TBL1X: variants seen among roughly 807,000 people sequenced by gnomAD.
TBL1X encodes transducin beta like 1 X-linked.
A neutral mutation model predicts 50.7 loss-of-function variants in TBL1X; 10 were observed. That is an observed-to-expected ratio of 0.20 (90% CI 0.12 to 0.33). The LOEUF (loss-of-function observed/expected upper bound fraction) is 0.33, where lower values mean the gene tolerates loss of function less well. Among genes scored for constraint, TBL1X ranks in the 10% least tolerant of loss-of-function variants. TBL1X has a pLI of 1.00. For synonymous variants in TBL1X, 190 were observed against 214.7 expected (o/e 0.88, Z 1.01); for missense variants, 340 against 504.4 (o/e 0.67, Z 3.12).
intron 3 of TBL1X, among the ~76,000 whole-genome samples, chrX:9,648,119 C>G (rs1181967643): frequency 9.0e-6 from 1 of 110,869 alleles, no homozygotes; most frequent in Admixed American, 9.6e-5. Context: ...TGGCCAAAGG[C>G]TCCCTGAATC....
At chrX:9,699,550 T>C (rs1355095514) in intron 12 of TBL1X, among the ~76,000 whole-genome samples, 3 of 111,624 alleles carry the variant, frequency 2.7e-5, no homozygotes, top group Non-Finnish European at 3.8e-5. Context: ...GGTGCTTAAA[T>C]GATGTTCTGA....
chrX:9,623,279 G>C, intron 2 of TBL1X, among the ~76,000 whole-genome samples: 1 of 112,233 alleles, frequency 8.9e-6, no homozygotes, highest in Non-Finnish European at 1.9e-5. Context: ...ATGAAATTCA[G>C]ATTTCACTTT....
chrX:9,589,732 TGA>T (rs2082489500), intron 2 of TBL1X, among the ~76,000 whole-genome samples: 1 of 111,948 alleles, frequency 8.9e-6, no homozygotes, highest in Admixed American at 9.5e-5. Flanking sequence ...AATTATACAC[TGA>T]GAGACGTATG....
rs773099528 is a variant in TBL1X, at chrX:9,696,825, A to G, written c.1054-544A>G. Among the ~76,000 whole-genome samples the G allele has an allele frequency of 2.9e-4, 33 of 112,822 alleles. No individual in the cohort carries two copies. In the South Asian group the frequency reaches 7.3e-3, roughly 25 times the overall value. ...TTGGTAGTTCTTGCAAGTATTGGTT[A>G]GGGATGCTCTGTCCTTAAACCCATT... On this transcript the variant is annotated intron_variant, in intron 11 of 17. Coordinates refer to ENST00000645353, the MANE Select transcript of TBL1X (RefSeq NM_005647.4).
chrX:9,600,025 G>A (rs1163014676), intron 2 of TBL1X, among the ~76,000 whole-genome samples: 1 of 111,396 alleles, frequency 9.0e-6, no homozygotes, highest in Admixed American at 9.5e-5. Flanking sequence ...TCCAGGATGG[G>A]AAATCAATGT....
chrX:9,632,347 C>A (rs906126010), intron 2 of TBL1X, among the ~76,000 whole-genome samples: 1 of 111,938 alleles, frequency 8.9e-6, no homozygotes, highest in East Asian at 2.8e-4. Context: ...TGGCCGCGAT[C>A]TTAGCTTACC....
At chrX:9,509,634 C>T (rs1169157551) in intron 2 of TBL1X, among the ~76,000 whole-genome samples, 1 of 107,797 alleles carries the variant, frequency 9.3e-6, no homozygotes, top group Non-Finnish European at 1.9e-5. Context: ...TACAGGCACA[C>T]GCCACCATGC....
chrX:9,658,399 G>A (rs1018688693), intron 5 of TBL1X, among the ~76,000 whole-genome samples: 3 of 110,547 alleles, frequency 2.7e-5, no homozygotes, highest in Non-Finnish European at 3.8e-5. Context: ...GCAAGGGAGC[G>A]AGCCCCTAGA....
At chrX:9,695,149 A>C (rs976432745) in intron 11 of TBL1X, among the ~76,000 whole-genome samples, 2 of 111,420 alleles carry the variant, frequency 1.8e-5, no homozygotes, top group African/African-American at 6.5e-5. Flanking sequence ...ACACAGCCAC[A>C]CCCCTTTGTT....
intron 5 of TBL1X, among the ~76,000 whole-genome samples, chrX:9,675,804 T>C (rs752619212): frequency 9.3e-6 from 1 of 107,128 alleles, no homozygotes; most frequent in African/African-American, 3.4e-5. Flanking sequence ...GGCAGGAGAA[T>C]CGCTTGAACC....
chrX:9,641,453 A>C (rs2082775572), intron 3 of TBL1X, among the ~76,000 whole-genome samples: 1 of 112,411 alleles, frequency 8.9e-6, no homozygotes, highest in African/African-American at 3.2e-5. Flanking sequence ...AAACAAACAA[A>C]CCTGTAGAAC....
chrX:9,652,582 C>T (rs910731320), intron 3 of TBL1X, among the ~76,000 whole-genome samples: 1 of 112,468 alleles, frequency 8.9e-6, no homozygotes, highest in Admixed American at 9.4e-5. Context: ...GCTGGCCGGG[C>T]GTGGCGGCTC....
At chrX:9,630,173 G>A (rs975983019) in intron 2 of TBL1X, among the ~76,000 whole-genome samples, 1 of 111,734 alleles carries the variant, frequency 8.9e-6, no homozygotes, top group African/African-American at 3.3e-5. Flanking sequence ...CTAACAGACC[G>A]GCATCATCGT....
chrX:9,689,020 G>GTGTA (rs2083080364), intron 7 of TBL1X, among the ~76,000 whole-genome samples: 1 of 100,073 alleles, frequency 1.0e-5, no homozygotes, highest in African/African-American at 3.5e-5. Flanking sequence ...GTATGTGTGC[G>GTGTA]TGTGTGCGTG....
chrX:9,491,354 T>TC (rs1555958589), intron 1 of TBL1X, among the ~76,000 whole-genome samples: 1 of 87,020 alleles, frequency 1.1e-5, no homozygotes, highest in African/African-American at 4.3e-5. Context: ...TTTTTTTTTT[T>TC]CTTTGAGACA....
intron 2 of TBL1X, among the ~76,000 whole-genome samples, chrX:9,525,388 A>G (rs962804472): frequency 8.9e-6 from 1 of 111,994 alleles, no homozygotes; most frequent in Non-Finnish European, 1.9e-5. Context: ...CTGCCTTCCT[A>G]GGTATTTGGA....
At chrX:9,593,831 C>G (rs1314834662) in intron 2 of TBL1X, among the ~76,000 whole-genome samples, 1 of 111,718 alleles carries the variant, frequency 9.0e-6, no homozygotes, top group East Asian at 2.8e-4. Flanking sequence ...TGCCCATAGC[C>G]TACCTGGATC....
At chrX:9,675,313 G>T (rs2082986764) in intron 5 of TBL1X, among the ~76,000 whole-genome samples, 1 of 111,872 alleles carries the variant, frequency 8.9e-6, no homozygotes, top group African/African-American at 3.2e-5. Flanking sequence ...ACACATGATG[G>T]CAGGAAGGAG....
intron 5 of TBL1X, among the ~76,000 whole-genome samples, chrX:9,672,461 G>A (rs1038067505): frequency 3.6e-5 from 4 of 111,777 alleles, no homozygotes; most frequent in Admixed American, 1.9e-4. Flanking sequence ...CCTCTTCCCC[G>A]AAGTCTCTGT....
Sources: allele counts gnomAD v4.1 joint callset (sites outside exome capture counted in the v4.1 genomes callset), GRCh38; gene constraint gnomAD v4.1.1; transcripts MANE v1.5; gene names NCBI Gene and HGNC (gene_info 2026-07-23, HGNC 2026-07-21).